Variants in AMMECR1L observed in about 807,000 individuals in gnomAD.
AMMECR1L encodes AMMECR1 like, also known as AMMECR1-like protein.
In AMMECR1L, 4 loss-of-function variants were observed where a neutral mutation model predicts 36.8. The ratio of observed to expected loss-of-function variants is 0.11; its 90% confidence interval spans 0.05 to 0.25. The LOEUF is 0.25. Ranked by LOEUF, AMMECR1L falls within the 10% of genes least tolerant of loss-of-function variation. The pLI is 1.00. For missense variants in AMMECR1L, 232 were observed against 392.1 expected (o/e 0.59, Z 3.45); for synonymous variants, 147 against 148.0 (o/e 0.99, Z 0.05).
At chr2:127,881,388 C>G (rs910654891) in intron 2 of AMMECR1L, among the ~76,000 whole-genome samples, 1 of 151,000 alleles carries the variant, frequency 6.6e-6, no homozygotes, top group Non-Finnish European at 1.5e-5. Context: ...AAGGACCTTC[C>G]TCTCTCACTG....
intron 2 of AMMECR1L, among the ~76,000 whole-genome samples, chr2:127,877,430 G>C (rs76298790): frequency 1.3e-5 from 2 of 151,764 alleles, no homozygotes; most frequent in Non-Finnish European, 2.9e-5. Context: ...CTGCCTCCCA[G>C]GTTCAAGCAA....
chr2:127,879,114 A>G (rs1220554252), intron 2 of AMMECR1L, among the ~76,000 whole-genome samples: 1 of 152,192 alleles, frequency 6.6e-6, no homozygotes, highest in East Asian at 1.9e-4. Context: ...TGAGGGGTCC[A>G]ATATTTTACT....
rs1295464411 is a variant in AMMECR1L at position 127,873,024 on chromosome 2, C to T, written c.407+804G>A. On this transcript the variant is annotated intron_variant, in intron 3 of 7. Transcript: ENST00000272647. The surrounding 1 kb of genome is among the most constrained non-coding windows in gnomAD (Gnocchi z 5.2). The stretch of plus-strand genomic sequence containing the variant: ...CAAGGGAAGAGGCTCCTTTTCTTCA[C>T]ACCCTCTCCATGCCCCAGCCAAGGT... The T allele has an allele frequency of 4.1e-6, 4 of 985,318 alleles. No homozygotes were observed. The African/African-American group carries it at 7.0e-5, about 17-fold the overall frequency. The allele number at this position is 985,318 out of a possible 1,614,324, so 61.0% of individuals were successfully genotyped here. A position where few individuals can be genotyped will look rare whatever the true frequency, so the allele number is the denominator to read the frequency against.
intron 6 of AMMECR1L, among the ~76,000 whole-genome samples, chr2:127,867,999 A>G (rs201759208): frequency 6.6e-6 from 1 of 152,178 alleles, no homozygotes; most frequent in East Asian, 1.9e-4. Context: ...CAGCCACCCA[A>G]CTAGCTGTTG....
chr2:127,878,365 T>A (rs1558998665), intron 2 of AMMECR1L, among the ~76,000 whole-genome samples: 2 of 152,170 alleles, frequency 1.3e-5, no homozygotes, highest in Admixed American at 1.3e-4. Context: ...GGTGTTTTAA[T>A]AGGGCTCTGA....
intron 2 of AMMECR1L, among the ~76,000 whole-genome samples, chr2:127,882,911 T>TC: frequency 6.6e-6 from 1 of 150,736 alleles, no homozygotes; most frequent in East Asian, 1.9e-4. Flanking sequence ...ATTTTTTTTT[T>TC]TTTTTTTTTT....
intron 2 of AMMECR1L, among the ~76,000 whole-genome samples, 151 bp downstream of exon 2, chr2:127,884,052 C>A (rs989102890): frequency 1.3e-5 from 2 of 152,144 alleles, no homozygotes; most frequent in African/African-American, 4.8e-5. Flanking sequence ...TAAAAGGGAA[C>A]AAGCGGAAAA....
Position 127,865,321 on chromosome 2 carries a change from C to T in AMMECR1L, c.822-116G>A. The T allele has an allele frequency of 1.7e-6, 1 of 581,922 alleles. No individual in the cohort carries two copies. Among genetic ancestry groups the T allele is most frequent in the Non-Finnish European group, 3.0e-6 (1 of 337,012 alleles). 36.0% of individuals were successfully genotyped at this position (581,922 alleles called of 1,614,324 possible). On this transcript the variant is annotated intron_variant, in intron 7 of 7. Coordinates refer to ENST00000272647, the MANE Select transcript of AMMECR1L (RefSeq NM_001199140.2). The surrounding 1 kb of genome is among the most constrained non-coding windows in gnomAD (Gnocchi z 5.4). Reference sequence around the variant, plus strand: ...CATTTTGAAAGAATAAAATGGAAGACCAAGAGCAATCTTACTTACAGAAAA... The same window carrying T: ...CATTTTGAAAGAATAAAATGGAAGATCAAGAGCAATCTTACTTACAGAAAA...
intron 2 of AMMECR1L, among the ~76,000 whole-genome samples, chr2:127,876,043 C>T (rs1691223954): frequency 6.6e-6 from 1 of 151,828 alleles, no homozygotes; most frequent in African/African-American, 2.4e-5. Context: ...GGGATCCGCT[C>T]CCCGCCCCGC....
rs575210650 is a variant in AMMECR1L, at chr2:127,871,488, C to A, written c.408-129G>T. 2.8e-5 allele frequency: 24 copies of A among 866,716 alleles called. No individual in the cohort carries two copies. In the Admixed American group the frequency reaches 5.5e-4, roughly 20 times the overall value. The allele number at this position is 866,716 out of a possible 1,614,324, so 53.7% of individuals were successfully genotyped here. On this transcript the variant is annotated intron_variant, in intron 3 of 7. Coordinates refer to ENST00000272647, the MANE Select transcript of AMMECR1L (RefSeq NM_001199140.2). The surrounding 1 kb of genome is among the most constrained non-coding windows in gnomAD (Gnocchi z 4.3). ...TCCCTGTTTTTGGACTTGCCAGCTACCCGAAGGACTCTCTGCCTTTCTGAA... is the reference window on the plus strand; with the variant it reads ...TCCCTGTTTTTGGACTTGCCAGCTAACCGAAGGACTCTCTGCCTTTCTGAA...
Position 127,874,033 on chromosome 2 carries a change from T to C in AMMECR1L, c.202A>G (p.Thr68Ala). The C allele has an allele frequency of 1.2e-6, 2 of 1,614,164 alleles. No individual in the cohort carries two copies. The highest frequency in any genetic ancestry group is 1.1e-5 in the South Asian group (1 of 91,080). ...SSGRENVSDL[T>A]LGPGNSPITR... ...ATGGGAGAGTTTCCAGGTCCCAGAG[T>C]TAAGTCTGACACATTCTCCCGTCCA... Residue 68 changes from threonine (T) to alanine (A), a missense_variant, in exon 3 of 8, where the codon ACT becomes GCT. Thr to Ala is a moderately conservative substitution (Grantham distance 58, BLOSUM62 0). Transcript: ENST00000272647. This position sits in a 1 kb window ranked among gnomAD's most constrained non-coding sequence, Gnocchi z 5.2.
chr2:127,881,976 A>C (rs1478416664), intron 2 of AMMECR1L, among the ~76,000 whole-genome samples: 3 of 152,228 alleles, frequency 2.0e-5, no homozygotes, highest in Admixed American at 1.3e-4. Flanking sequence ...GTACAGTTTT[A>C]TTCCACTAGA....
chr2:127,873,956 A>G lies in AMMECR1L; in HGVS notation c.279T>C (p.Asn93=), dbSNP rs1691108517. The part of the protein sequence containing the change: ...SGALSPLPRP[N]GTANTTKNLV... ...GATTCTTAGTGGTGTTGGCAGTTCC[A>G]TTAGGCCGGGGAAGAGGGCTCAGCG... Residue 93 remains asparagine (N), a synonymous_variant, in exon 3 of 8, where the codon AAT becomes AAC. Transcript: ENST00000272647. The surrounding 1 kb of genome is among the most constrained non-coding windows in gnomAD (Gnocchi z 5.2). 1 of 1,614,122 alleles carries G rather than the reference A, an allele frequency of 6.2e-7. No individual in the cohort carries two copies. Among genetic ancestry groups the G allele is most frequent in the African/African-American group, 1.3e-5 (1 of 74,938 alleles).
At chr2:127,885,591 C>T in intron 1 of AMMECR1L, 2 of 976,000 alleles carry the variant, frequency 2.0e-6, no homozygotes, top group Non-Finnish European at 2.4e-6. Context: ...TGCCTCCCGA[C>T]CCCCTGCCCT....
At position 127,869,924 on chromosome 2, in the gene AMMECR1L, G is replaced by A. The variant is rs548306769; in HGVS notation, c.634-380C>T. Among the ~76,000 whole-genome samples, 311 of 152,292 alleles carry A rather than the reference G, an allele frequency of 2.0e-3. 1 individual carries two copies. The highest frequency in any genetic ancestry group is 3.4e-3 in the Middle Eastern group (1 of 294). ...AATAAAAACTTTTATTTGGCCAGGC[G>A]CGGTGGCTCATGCCTGTAATCCCAA... is the stretch of plus-strand genomic sequence containing the variant. On this transcript the variant is annotated intron_variant, in intron 5 of 7. Coordinates refer to ENST00000272647, the MANE Select transcript of AMMECR1L (RefSeq NM_001199140.2). The surrounding 1 kb of genome is among the most constrained non-coding windows in gnomAD (Gnocchi z 4.7).
In AMMECR1L at chr2:127,863,283, A is replaced by G; in HGVS notation, c.*1811T>C. On this transcript the variant is annotated 3_prime_UTR_variant, in exon 8 of 8. Transcript: ENST00000272647. ...AAACGACCCCTCCATCTTCATTTAC[A>G]TTGCCAAGGGAAACGTAGCAGGCTG... 1 of 152,650 alleles carries G rather than the reference A, an allele frequency of 6.6e-6. No individual in the cohort carries two copies. Among genetic ancestry groups the G allele is most frequent in the East Asian group, 1.9e-4 (1 of 5,200 alleles). 9.5% of individuals were successfully genotyped at this position (152,650 alleles called of 1,614,324 possible).
chr2:127,884,788 G>GGA (rs1691676345), intron 1 of AMMECR1L: 1 of 152,318 alleles, frequency 6.6e-6, no homozygotes, highest in Admixed American at 6.5e-5. Context: ...TATGCCGGGA[G>GGA]GAGACGGTCA....
chr2:127,865,214 G>A lies in AMMECR1L; in HGVS notation c.822-9C>T, dbSNP rs1250463043. 4 of 1,602,142 alleles carry A rather than the reference G, an allele frequency of 2.5e-6. No individual in the cohort carries two copies. The highest frequency in any genetic ancestry group is 3.4e-6 in the Non-Finnish European group (4 of 1,171,328). ...CCTTCTCACTTCGGTACCTGTATGA[G>A]GAAACAGGAAAGGGTATTAGGAACC... On this transcript the variant is annotated splice_polypyrimidine_tract_variant and intron_variant, in intron 7 of 7. Transcript: ENST00000272647. This position sits in a 1 kb window ranked among gnomAD's most constrained non-coding sequence, Gnocchi z 5.4.
Position 127,873,748 on chromosome 2 carries a change from T to C in AMMECR1L, c.407+80A>G. On this transcript the variant is annotated intron_variant, in intron 3 of 7. Transcript: ENST00000272647. This position sits in a 1 kb window ranked among gnomAD's most constrained non-coding sequence, Gnocchi z 5.2. ...TCAAATGATAATAAAGACTTCCAAG[T>C]AGCAGACCCTCTCAAGAGAATCACC... 2 of 1,603,002 alleles carry C rather than the reference T, an allele frequency of 1.2e-6. No homozygotes were observed. The highest frequency in any genetic ancestry group is 1.7e-6 in the Non-Finnish European group (2 of 1,177,922).
Sources: allele counts gnomAD v4.1 joint callset (sites outside exome capture counted in the v4.1 genomes callset), GRCh38; gene constraint gnomAD v4.1.1; non-coding constraint Gnocchi (gnomAD v3.1); transcripts MANE v1.5; gene names NCBI Gene and HGNC (gene_info 2026-07-23, HGNC 2026-07-21).